The following CFAP54 variants were observed in gnomAD, a reference collection of about 807,000 sequenced individuals.
CFAP54 encodes cilia- and flagella-associated protein 54.
In CFAP54, 290 loss-of-function variants were observed where a neutral mutation model predicts 370.4. The ratio of observed to expected loss-of-function variants is 0.78; its 90% CI spans 0.71 to 0.86. CFAP54 has a LOEUF of 0.86. CFAP54 is among the 40% of genes least tolerant of loss of function. The pLI, the probability that CFAP54 is intolerant of heterozygous loss-of-function variation, is 0.00. For synonymous variants in CFAP54, 1,206 were observed against 1,236.5 expected (o/e 0.98, Z 0.52); for missense variants, 3,399 against 3,528.7 (o/e 0.96, Z 0.93).
chr12:96,541,400 C>T (rs1955570229), intron 14 of CFAP54, among the ~76,000 whole-genome samples: 2 of 151,960 alleles, frequency 1.3e-5, no homozygotes, highest in Admixed American at 1.3e-4. Flanking sequence ...ATTCTCCTGC[C>T]TCAGCCTCCC....
chr12:96,566,405 G>A (rs1273571111), intron 19 of CFAP54, among the ~76,000 whole-genome samples: 2 of 152,142 alleles, frequency 1.3e-5, no homozygotes, highest in Non-Finnish European at 2.9e-5. Flanking sequence ...ATCTTGATCC[G>A]TATGGTGGTA....
intron 60 of CFAP54, among the ~76,000 whole-genome samples, chr12:96,770,741 A>G (rs1958452470): frequency 6.6e-6 from 1 of 152,230 alleles, no homozygotes; most frequent in African/African-American, 2.4e-5. Context: ...GTTTCAGGAA[A>G]ATCCTGTGGG....
intron 63 of CFAP54, among the ~76,000 whole-genome samples, chr12:96,808,715 C>T (rs562873079): frequency 2.6e-5 from 4 of 152,140 alleles, no homozygotes; most frequent in Non-Finnish European, 5.9e-5. Context: ...AGCTGCCAAT[C>T]ATTAGTATGC....
At chr12:96,707,913 A>G (rs1231342458) in intron 47 of CFAP54, among the ~76,000 whole-genome samples, 1 of 152,108 alleles carries the variant, frequency 6.6e-6, no homozygotes, top group Admixed American at 6.5e-5. Context: ...ATGGTTGTCT[A>G]AGAAAGAGAG....
At chr12:96,587,589 C>G (rs1228147045) in intron 22 of CFAP54, among the ~76,000 whole-genome samples, 1 of 152,078 alleles carries the variant, frequency 6.6e-6, no homozygotes, top group Non-Finnish European at 1.5e-5. Context: ...CTCACAAAAC[C>G]TCATGATTTT....
At chr12:96,851,098 A>G (rs561739185) in intron 66 of CFAP54, among the ~76,000 whole-genome samples, 10 of 152,304 alleles carry the variant, frequency 6.6e-5, no homozygotes, top group African/African-American at 1.9e-4. Context: ...ATTTGAAATT[A>G]TGTAAATTTT....
chr12:96,523,511 T>C (rs988648968), intron 8 of CFAP54, among the ~76,000 whole-genome samples: 1 of 152,222 alleles, frequency 6.6e-6, no homozygotes, highest in Non-Finnish European at 1.5e-5. Flanking sequence ...CAATATTGAC[T>C]ACTGAGCCCA....
intron 26 of CFAP54, among the ~76,000 whole-genome samples, chr12:96,615,420 C>A (rs1332951087): frequency 2.0e-5 from 3 of 152,146 alleles, no homozygotes; most frequent in Admixed American, 6.5e-5. Context: ...TAGAAGAAAA[C>A]CTAGGCAATA....
At chr12:96,595,740 G>A (rs1300183814) in intron 25 of CFAP54, among the ~76,000 whole-genome samples, 2 of 152,074 alleles carry the variant, frequency 1.3e-5, no homozygotes, top group African/African-American at 2.4e-5. Flanking sequence ...AATAGATAGA[G>A]CATTTCTCTC....
At chr12:96,569,186 G>C (rs1376411461) in intron 19 of CFAP54, among the ~76,000 whole-genome samples, 1 of 152,208 alleles carries the variant, frequency 6.6e-6, no homozygotes, top group East Asian at 1.9e-4. Flanking sequence ...CCATCCAAGT[G>C]TTGGCGGTTT....
intron 26 of CFAP54, among the ~76,000 whole-genome samples, chr12:96,603,095 C>A (rs1197440345): frequency 6.6e-6 from 1 of 152,048 alleles, no homozygotes; most frequent in Non-Finnish European, 1.5e-5. Flanking sequence ...TGGCTGGTAC[C>A]AGTTGTTCCT....
At chr12:96,523,709 G>A (rs1464258151) in intron 8 of CFAP54, among the ~76,000 whole-genome samples, 1 of 20,786 alleles carries the variant, frequency 4.8e-5, no homozygotes, top group African/African-American at 1.5e-4. Flanking sequence ...TTTCTCCCCG[G>A]CATTTTTTTT....
rs181066807 is a variant in CFAP54 at position 96,617,410 on chromosome 12, G to A, written c.3640-4180G>A. On this transcript the variant is annotated intron_variant, in intron 26 of 67. Coordinates refer to ENST00000524981, the MANE Select transcript of CFAP54 (RefSeq NM_001306084.2). ...AGAGAATTATCTAACAATTTCAAGGGTGCACTTAGTCCAAGAGGTCAATCC... is the reference window on the plus strand; with the variant it reads ...AGAGAATTATCTAACAATTTCAAGGATGCACTTAGTCCAAGAGGTCAATCC... Among the ~76,000 whole-genome samples the A allele has an allele frequency of 4.6e-5, 7 of 152,268 alleles. No individual in the cohort carries two copies. In the East Asian group the frequency reaches 1.4e-3, roughly 29 times the overall value.
At chr12:96,502,095 G>T (rs1255096732) in intron 2 of CFAP54, among the ~76,000 whole-genome samples, 1 of 152,098 alleles carries the variant, frequency 6.6e-6, no homozygotes, top group African/African-American at 2.4e-5. Flanking sequence ...TGGGTGGAGT[G>T]GATATTAGTG....
intron 56 of CFAP54, among the ~76,000 whole-genome samples, chr12:96,755,666 C>CTTTTTTTTTTTTTTT (rs71758359): frequency 1.1e-5 from 1 of 88,042 alleles, no homozygotes. Flanking sequence ...TTCTTTTTTC[C>CTTTTTTTTTTTTTTT]TTTTTTTTTT....
intron 26 of CFAP54, among the ~76,000 whole-genome samples, chr12:96,617,811 A>G (rs1956437768): frequency 6.6e-6 from 1 of 152,082 alleles, no homozygotes; most frequent in South Asian, 2.1e-4. Flanking sequence ...TAACACGGTG[A>G]AACCCTGTCT....
At chr12:96,592,019 T>C (rs1427453231) in intron 23 of CFAP54, among the ~76,000 whole-genome samples, 2 of 152,070 alleles carry the variant, frequency 1.3e-5, no homozygotes, top group Non-Finnish European at 2.9e-5. Context: ...GAATTTGTAC[T>C]GAAGCCCAGC....
At chr12:96,772,591 A>ATTT (rs35817553) in intron 60 of CFAP54, among the ~76,000 whole-genome samples, 11 of 137,822 alleles carry the variant, frequency 8.0e-5, no homozygotes, top group African/African-American at 1.6e-4. Context: ...TTGGTGGGCA[A>ATTT]TTTTTTTTTT....
chr12:96,671,390 G>T (rs77350183), intron 39 of CFAP54, among the ~76,000 whole-genome samples: 19,080 of 151,898 alleles, frequency 0.13, 1,369 homozygotes, highest in Middle Eastern at 0.23. Flanking sequence ...TAATTTAGGG[G>T]TTTTTTTTGT....
Sources: allele counts gnomAD v4.1 joint callset (sites outside exome capture counted in the v4.1 genomes callset), GRCh38; gene constraint gnomAD v4.1.1; transcripts MANE v1.5; gene names NCBI Gene and HGNC (gene_info 2026-07-23, HGNC 2026-07-21).